The following MPDZ variants were observed in gnomAD, a reference collection of about 807,000 sequenced individuals.
MPDZ encodes the protein multiple PDZ domain crumbs cell polarity complex component, also known as multiple PDZ domain protein.
In MPDZ, 234 loss-of-function variants were observed where a neutral mutation model predicts 239.1. That is an observed-to-expected ratio of 0.98 (90% CI 0.88 to 1.09). The LOEUF (loss-of-function observed/expected upper bound fraction) is 1.09. MPDZ is among the 50% of genes least tolerant of loss of function. The pLI is 0.00. For missense variants in MPDZ, 3,175 were observed against 2,510.0 expected, an observed-to-expected ratio of 1.26 and a Z score of -5.66; for synonymous variants, 1,048 against 881.3, an observed-to-expected ratio of 1.19 and a Z score of -3.35.
intron 1 of MPDZ, among the ~76,000 whole-genome samples, chr9:13,261,715 T>G (rs1970725986): frequency 6.6e-6 from 1 of 151,924 alleles, no homozygotes; most frequent in African/African-American, 2.4e-5. Flanking sequence ...TGCCACCAAA[T>G]AAAACATAAA....
chr9:13,109,028 G>T lies in MPDZ; in HGVS notation c.5974C>A (p.Arg1992=). Residue 1992 remains arginine, a synonymous_variant, in exon 46 of 47, where the codon CGA becomes AGA. Transcript: ENST00000319217. The part of the protein sequence containing the change: ...PPQCKSITLE[R]GPDGLGFSIV... ...CTGAAGCCTAAGCCATCTGGTCCTC[G>T]CTCTAGTGTAATAGACTTACATTGA... 1.3e-6 allele frequency: 2 copies of T among 1,575,372 alleles called. No individual in the cohort carries two copies. The highest frequency in any genetic ancestry group is 1.7e-6 in the Non-Finnish European group (2 of 1,158,528).
intron 18 of MPDZ, among the ~76,000 whole-genome samples, 181 bp from the exon 19 acceptor site, chr9:13,183,766 T>C (rs1406055802): frequency 2.6e-5 from 4 of 151,992 alleles, no homozygotes; most frequent in African/African-American, 9.7e-5. Context: ...ATAGCCCACC[T>C]ACAGCAGAAA....
At chr9:13,256,935 A>G (rs1439643329) in intron 1 of MPDZ, among the ~76,000 whole-genome samples, 2 of 152,172 alleles carry the variant, frequency 1.3e-5, no homozygotes, top group African/African-American at 4.8e-5. Flanking sequence ...ACAAAATTCA[A>G]TAAAACAACA....
chr9:13,186,498 T>C (rs933070441), intron 17 of MPDZ, 112 bp from the exon 18 acceptor site: 6 of 696,912 alleles, frequency 8.6e-6, no homozygotes, highest in African/African-American at 3.6e-5. Flanking sequence ...GAGAAAGAAA[T>C]TGGAAAGTTT....
At chr9:13,113,840 G>T in intron 41 of MPDZ, 91 bp downstream of exon 41, 1 of 974,406 alleles carries the variant, frequency 1.0e-6, no homozygotes. Context: ...GGATGATTTG[G>T]GGGAAAAGAA....
Position 13,162,750 on chromosome 9 carries a change from G to T in MPDZ, c.3300C>A (p.Ser1100Arg). The change falls in exon 23 of 47, where the codon AGC (serine) becomes AGA (arginine). Residue 1100 changes from serine (S) to arginine (R), a missense_variant. Ser to Arg is a moderately radical substitution (Grantham distance 110). Coordinates refer to ENST00000319217, the MANE Select transcript of MPDZ (RefSeq NM_001378778.1). Reference protein sequence around the residue: ...PAEHLEEFKISLGQQSGRVMA... With the variant: ...PAEHLEEFKIRLGQQSGRVMA... ...TTACTCTTCCAGATTGTTGTCCCAA[G>T]CTTATTTTGAACTCTTCCAAATGTT... 6.2e-7 allele frequency: 1 copy of T among 1,611,270 alleles called. No individual in the cohort carries two copies. Among genetic ancestry groups the T allele is most frequent in the Non-Finnish European group, 8.5e-7 (1 of 1,178,420 alleles).
Position 13,220,263 on chromosome 9 carries a change from A to G in MPDZ, c.877-495T>C, listed in dbSNP as rs570751840. Among the ~76,000 whole-genome samples, 27 of 152,064 alleles carry G rather than the reference A, an allele frequency of 1.8e-4. No homozygotes were observed. In the South Asian group the frequency reaches 5.2e-3, roughly 29 times the overall value. On this transcript the variant is annotated intron_variant, in intron 7 of 46. Coordinates refer to ENST00000319217, the MANE Select transcript of MPDZ (RefSeq NM_001378778.1). The stretch of plus-strand genomic sequence containing the variant: ...TCATGTGCAGGTGAAATACTTGTGA[A>G]GTGAAAATTCAGAAAGATGTGAGGA...
intron 13 of MPDZ, among the ~76,000 whole-genome samples, chr9:13,195,078 A>G (rs985690439): frequency 6.6e-6 from 1 of 152,106 alleles, no homozygotes; most frequent in Non-Finnish European, 1.5e-5. Context: ...GCTGGAGTCC[A>G]GAAGTCCAAG....
chr9:13,179,654 T>C (rs1025971929), intron 19 of MPDZ, among the ~76,000 whole-genome samples: 1 of 152,200 alleles, frequency 6.6e-6, no homozygotes, highest in Non-Finnish European at 1.5e-5. Context: ...TGCAACTTGA[T>C]ATCTAAAGTG....
chr9:13,248,805 TA>T (rs888168232), intron 2 of MPDZ, among the ~76,000 whole-genome samples: 7 of 146,354 alleles, frequency 4.8e-5, no homozygotes, highest in African/African-American at 7.5e-5. Flanking sequence ...TCATCTCTAC[TA>T]AAAAAAAATA....
intron 26 of MPDZ, among the ~76,000 whole-genome samples, chr9:13,143,902 A>G (rs1948088639): frequency 6.6e-6 from 1 of 152,082 alleles, no homozygotes; most frequent in Admixed American, 6.6e-5. Context: ...TGTTTTATGA[A>G]TACCAGTAAA....
At position 13,221,402 on chromosome 9, in the gene MPDZ, T is replaced by C. The variant is rs146224964; in HGVS notation, c.846A>G (p.Lys282=). The change falls in exon 7 of 47, where the codon AAA becomes AAG. Residue 282 remains lysine, a synonymous_variant. Coordinates refer to ENST00000319217, the MANE Select transcript of MPDZ (RefSeq NM_001378778.1). The stretch of plus-strand genomic sequence containing the variant: ...CAGCTACTCCTCCAGGCAGAATGGT[T>C]TTTACTATCACACCAGTTGCTTTTC... ...IGGKATGVIV[K]TILPGGVADQ... The C allele has an allele frequency of 1.3e-3, 2,071 of 1,610,456 alleles. 9 individuals carry two copies. In the Middle Eastern group the frequency reaches 0.025, roughly 20 times the overall value.
chr9:13,250,389 T>C lies in MPDZ; in HGVS notation c.-57-17A>G, dbSNP rs978369650. Reference sequence around the variant, plus strand: ...AATGGAACTCTGTGCAAAAAAGAAATAGAATGGTTATGTTTTATCAGAACT... The same window carrying C: ...AATGGAACTCTGTGCAAAAAAGAAACAGAATGGTTATGTTTTATCAGAACT... On this transcript the variant is annotated splice_polypyrimidine_tract_variant and intron_variant, in intron 1 of 46. Coordinates refer to ENST00000319217, the MANE Select transcript of MPDZ (RefSeq NM_001378778.1). 25 of 1,304,736 alleles carry C rather than the reference T, an allele frequency of 1.9e-5. No individual in the cohort carries two copies. Among genetic ancestry groups the C allele is most frequent in the Non-Finnish European group, 4.3e-6 (4 of 926,802 alleles). 80.8% of individuals were successfully genotyped at this position (1,304,736 alleles called of 1,614,324 possible).
intron 43 of MPDZ, 118 bp downstream of exon 43, chr9:13,111,906 A>G (rs767193591): frequency 1.1e-5 from 11 of 976,822 alleles, no homozygotes; most frequent in Non-Finnish European, 1.6e-5. Context: ...GGATTAGATG[A>G]TTTAAAAGTA....
At chr9:13,210,391 T>C (rs961049089) in intron 10 of MPDZ, among the ~76,000 whole-genome samples, 1 of 151,186 alleles carries the variant, frequency 6.6e-6, no homozygotes. Flanking sequence ...GAACTAAGTG[T>C]TGTTAAATGT....
At chr9:13,159,010 A>G (rs546592327) in intron 23 of MPDZ, among the ~76,000 whole-genome samples, 1 of 152,314 alleles carries the variant, frequency 6.6e-6, no homozygotes, top group African/African-American at 2.4e-5. Flanking sequence ...CTCTGATTCA[A>G]TAAATGTTTT....
At chr9:13,244,735 T>C (rs1966201484) in intron 3 of MPDZ, among the ~76,000 whole-genome samples, 1 of 152,022 alleles carries the variant, frequency 6.6e-6, no homozygotes, top group African/African-American at 2.4e-5. Flanking sequence ...AAGAAGCAAA[T>C]TGAAAAAATT....
intron 1 of MPDZ, among the ~76,000 whole-genome samples, chr9:13,271,526 A>G (rs1167742913): frequency 2.0e-5 from 3 of 152,224 alleles, no homozygotes; most frequent in Non-Finnish European, 4.4e-5. Context: ...AACAACTTTT[A>G]TCATGAAAAT....
chr9:13,261,703 G>A (rs1385008844), intron 1 of MPDZ, among the ~76,000 whole-genome samples: 4 of 151,970 alleles, frequency 2.6e-5, no homozygotes, highest in African/African-American at 9.7e-5. Flanking sequence ...AAAGCCATAA[G>A]CTGCCACCAA....
Sources: gnomAD v4.1 joint callset for allele counts (sites outside exome capture counted in the v4.1 genomes callset) on GRCh38, gnomAD v4.1.1 for gene constraint, MANE v1.5 for transcripts, NCBI Gene and HGNC (gene_info 2026-07-23, HGNC 2026-07-21) for gene names.